Variants in DPP10 observed in about 807,000 individuals in gnomAD.
The protein encoded by DPP10 is inactive dipeptidyl peptidase 10.
Under a neutral mutation model 120.9 loss-of-function variants are expected in DPP10, and 33 were observed. The ratio of observed to expected loss-of-function variants is 0.27; its 90% confidence interval spans 0.21 to 0.37. The LOEUF (loss-of-function observed/expected upper bound fraction) is 0.37, where lower values mean the gene tolerates loss of function less well. Among genes scored for constraint, DPP10 ranks in the 10% least tolerant of loss-of-function variants. The pLI is 1.00. For missense variants in DPP10, 816 were observed against 942.8 expected, an observed-to-expected ratio of 0.87 and a Z score of 1.76; for synonymous variants, 337 against 326.1, an observed-to-expected ratio of 1.03 and a Z score of -0.36.
chr2:114,967,427 G>A (rs900543774), intron 1 of DPP10, among the ~76,000 whole-genome samples: 8 of 152,124 alleles, frequency 5.3e-5, no homozygotes, highest in Admixed American at 6.5e-5. Flanking sequence ...TCTTCTGAGT[G>A]GTCTGGATTC....
rs192940875 is a variant in DPP10, at chr2:115,352,395, T to C, written c.271+8483T>C. ...ATGGAATCTGTTTACATTTGAAAAGTTTGTAGTAAAATATCTGGTGTCCTC... is the reference window on the plus strand; with the variant it reads ...ATGGAATCTGTTTACATTTGAAAAGCTTGTAGTAAAATATCTGGTGTCCTC... On this transcript the variant is annotated intron_variant, in intron 3 of 25. Transcript: ENST00000410059. Among the ~76,000 whole-genome samples, 600 of 152,300 alleles carry C rather than the reference T, an allele frequency of 3.9e-3. 4 individuals are homozygous for C. The highest frequency in any genetic ancestry group is 0.013 in the African/African-American group (536 of 41,572).
chr2:114,978,473 G>A (rs559134992), intron 1 of DPP10, among the ~76,000 whole-genome samples: 15 of 152,230 alleles, frequency 9.9e-5, no homozygotes, highest in African/African-American at 3.6e-4. Flanking sequence ...CACAGGGAAA[G>A]TAGTAGTTGG....
At chr2:115,663,609 T>A (rs561656405) in intron 5 of DPP10, among the ~76,000 whole-genome samples, 1 of 152,168 alleles carries the variant, frequency 6.6e-6, no homozygotes, top group East Asian at 1.9e-4. Context: ...AGAGTATAGA[T>A]TGACATTCGG....
intron 1 of DPP10, among the ~76,000 whole-genome samples, chr2:114,630,108 T>C (rs1694811397): frequency 6.6e-6 from 1 of 152,216 alleles, no homozygotes; most frequent in South Asian, 2.1e-4. Flanking sequence ...ATTAGCAATA[T>C]GCTCCCTGAG....
intron 1 of DPP10, among the ~76,000 whole-genome samples, chr2:114,701,695 G>A (rs1183627846): frequency 6.6e-6 from 1 of 152,062 alleles, no homozygotes; most frequent in Admixed American, 6.6e-5. Flanking sequence ...GGAAAAACGA[G>A]TGCCAACTAC....
At chr2:114,722,775 C>CAAAAAAAAAAAAAAAAAAAAAA (rs61497158) in intron 1 of DPP10, among the ~76,000 whole-genome samples, 1 of 55,868 alleles carries the variant, frequency 1.8e-5, no homozygotes, top group Non-Finnish European at 3.1e-5. Flanking sequence ...GGCTCTGTCT[C>CAAAAAAAAAAAAAAAAAAAAAA]AAAAAAAAAA....
intron 1 of DPP10, among the ~76,000 whole-genome samples, chr2:115,166,511 A>T (rs1217454670): frequency 1.4e-5 from 2 of 144,288 alleles, no homozygotes; most frequent in African/African-American, 5.1e-5. Context: ...ATATTATATA[A>T]ATTTATAATA....
At chr2:114,516,488 T>C (rs1424076633) in intron 1 of DPP10, among the ~76,000 whole-genome samples, 1 of 152,198 alleles carries the variant, frequency 6.6e-6, no homozygotes, top group Non-Finnish European at 1.5e-5. Context: ...ATGATTTTGT[T>C]CTCAGCTCTT....
intron 1 of DPP10, among the ~76,000 whole-genome samples, chr2:114,728,173 G>A (rs1676529872): frequency 6.6e-6 from 1 of 152,190 alleles, no homozygotes; most frequent in Non-Finnish European, 1.5e-5. Flanking sequence ...GACCACTAAG[G>A]TAGAAGGGTG....
At chr2:114,869,690 C>CA (rs1421728504) in intron 1 of DPP10, among the ~76,000 whole-genome samples, 1 of 152,134 alleles carries the variant, frequency 6.6e-6, no homozygotes, top group Non-Finnish European at 1.5e-5. Flanking sequence ...TATCTCAGGG[C>CA]ATTGCATTCC....
intron 1 of DPP10, among the ~76,000 whole-genome samples, chr2:115,099,130 C>CAAAAAAAAAAA (rs55815168): frequency 1.3e-5 from 1 of 74,790 alleles, no homozygotes; most frequent in Non-Finnish European, 2.9e-5. Context: ...GCTAAAAATA[C>CAAAAAAAAAAA]AAAAAAAAAA....
intron 1 of DPP10, among the ~76,000 whole-genome samples, chr2:114,641,392 T>A (rs1695696402): frequency 6.6e-6 from 1 of 151,912 alleles, no homozygotes; most frequent in Admixed American, 6.5e-5. Flanking sequence ...TTCTTTTTCT[T>A]GTGATTGCTC....
chr2:115,528,524 C>T (rs1000638505), intron 5 of DPP10, among the ~76,000 whole-genome samples: 2 of 151,568 alleles, frequency 1.3e-5, no homozygotes, highest in African/African-American at 2.4e-5. Flanking sequence ...GTCATTTATC[C>T]CGGATACATA....
intron 1 of DPP10, among the ~76,000 whole-genome samples, chr2:114,930,351 T>C (rs901207902): frequency 4.6e-5 from 7 of 152,204 alleles, no homozygotes; most frequent in Admixed American, 3.3e-4. Context: ...CCAAATCAGG[T>C]TGTAAGCAAT....
At chr2:115,395,284 A>G (rs1207051624) in intron 3 of DPP10, among the ~76,000 whole-genome samples, 2 of 152,112 alleles carry the variant, frequency 1.3e-5, no homozygotes, top group Non-Finnish European at 2.9e-5. Flanking sequence ...TTACGTGTAT[A>G]AATTTCCTCT....
At chr2:114,627,607 T>A (rs2105358398) in intron 1 of DPP10, among the ~76,000 whole-genome samples, 1 of 152,012 alleles carries the variant, frequency 6.6e-6, no homozygotes, top group East Asian at 1.9e-4. Flanking sequence ...AGCTGGGATT[T>A]TTTTTAGGTA....
intron 5 of DPP10, among the ~76,000 whole-genome samples, chr2:115,603,570 G>GTTTTTTTTTTTTTTTTTGTTTTTTT (rs61548055): frequency 1.0e-5 from 1 of 99,286 alleles, no homozygotes; most frequent in Non-Finnish European, 2.2e-5. Flanking sequence ...GTTTTTTTTT[G>GTTTTTTTTTTTTTTTTTGTTTTTTT]TTTTTTTTTT....
At chr2:114,802,646 A>G (rs909145412) in intron 1 of DPP10, among the ~76,000 whole-genome samples, 1 of 152,212 alleles carries the variant, frequency 6.6e-6, no homozygotes, top group East Asian at 1.9e-4. Context: ...CTCAAGGGAA[A>G]TAAATGAAAT....
At chr2:115,774,112 T>C (rs1247298017) in intron 13 of DPP10, among the ~76,000 whole-genome samples, 1 of 151,988 alleles carries the variant, frequency 6.6e-6, no homozygotes, top group African/African-American at 2.4e-5. Context: ...AAATCATATA[T>C]AATATTTTTT....
Sources: gnomAD v4.1 joint callset for allele counts (sites outside exome capture counted in the v4.1 genomes callset) on GRCh38, gnomAD v4.1.1 for gene constraint, MANE v1.5 for transcripts, NCBI Gene and HGNC (gene_info 2026-07-23, HGNC 2026-07-21) for gene names.